The following NECAB2 variants were observed in gnomAD, a reference collection of about 807,000 sequenced individuals.
The protein encoded by NECAB2 is N-terminal EF-hand calcium binding protein 2, also known as N-terminal EF-hand calcium-binding protein 2.
In NECAB2, 68 loss-of-function variants were observed where a neutral mutation model predicts 51.9. The ratio of observed to expected loss-of-function variants is 1.31; its 90% CI spans 1.08 to 1.60. The LOEUF (loss-of-function observed/expected upper bound fraction) is 1.60. Among genes scored for constraint, NECAB2 ranks in the 40% most tolerant of loss-of-function variants. The pLI, the probability that NECAB2 is intolerant of heterozygous loss-of-function variation, is 0.00. For synonymous variants in NECAB2, 329 were observed against 203.5 expected (o/e 1.62, Z -5.25); for missense variants, 854 against 490.3 (o/e 1.74, Z -7.00).
At chr16:83,978,414 C>T in intron 2 of NECAB2, 30 bp from the exon 3 acceptor site, 3 of 1,591,388 alleles carry the variant, frequency 1.9e-6, no homozygotes, top group Non-Finnish European at 2.6e-6. Flanking sequence ...CTGCAGACAC[C>T]AGCTCCTTTC....
chr16:83,970,921 C>T (rs2084340624), intron 1 of NECAB2, among the ~76,000 whole-genome samples: 1 of 152,108 alleles, frequency 6.6e-6, no homozygotes, highest in East Asian at 1.9e-4. Context: ...GGTGAAACCT[C>T]GTCTCTACTA....
rs2084836463 is a variant in NECAB2, at chr16:84,001,558, T to TGGGGCC, written c.1041-267_1041-266insGGGGCC. Reference sequence around the variant, plus strand: ...GATGGCCCCACTCCTCCTGCTAGGGTAAAGGGGGAGGTAGAGGCTCTGTGC... The same window carrying TGGGGCC: ...GATGGCCCCACTCCTCCTGCTAGGGTGGGGCCAAAGGGGGAGGTAGAGGCTCTGTGC... On this transcript the variant is annotated intron_variant, in intron 11 of 12. Coordinates refer to ENST00000305202, the MANE Select transcript of NECAB2 (RefSeq NM_019065.3). 2.0e-5 allele frequency among the ~76,000 whole-genome samples: 3 copies of TGGGGCC among 151,644 alleles called. No homozygotes were observed. In the South Asian group the frequency reaches 6.3e-4, roughly 32 times the overall value.
chr16:83,980,796 CCTCT>C, intron 3 of NECAB2, 39 bp from the exon 4 acceptor site: 2 of 1,555,792 alleles, frequency 1.3e-6, no homozygotes, highest in Non-Finnish European at 1.7e-6. Context: ...CTGCTAACCC[CCTCT>C]CTGTCTCTGT....
chr16:83,970,019 G>A (rs931556556), intron 1 of NECAB2, among the ~76,000 whole-genome samples: 1 of 152,154 alleles, frequency 6.6e-6, no homozygotes, highest in Non-Finnish European at 1.5e-5. Context: ...GCTTACGCAC[G>A]CACACACAGC....
At chr16:83,980,799 C>T (rs750813704) in intron 3 of NECAB2, 40 bp from the exon 4 acceptor site, 2 of 1,556,808 alleles carry the variant, frequency 1.3e-6, no homozygotes, top group South Asian at 2.3e-5. Context: ...CTAACCCCCT[C>T]TCTGTCTCTG....
chr16:83,988,464 CT>C (rs897710704), intron 5 of NECAB2, among the ~76,000 whole-genome samples: 3 of 152,052 alleles, frequency 2.0e-5, no homozygotes, highest in Admixed American at 6.6e-5. Context: ...AGATTTTAGG[CT>C]TTTTTCCCCT....
At chr16:83,984,587 G>A (rs1287631296) in intron 5 of NECAB2, among the ~76,000 whole-genome samples, 35 of 152,084 alleles carry the variant, frequency 2.3e-4, no homozygotes, top group South Asian at 4.2e-4. Context: ...AAAATTAGCC[G>A]AGCATGGTGG....
At position 83,996,044 on chromosome 16, in the gene NECAB2, C is replaced by T. The variant is rs138889049; in HGVS notation, c.796-1172C>T. ...CCTCCTCCCCAGCCTCTAACTGGCC[C>T]GGGCGGTCAGCAGGGGCCAATCCGG... On this transcript the variant is annotated intron_variant, in intron 8 of 12. Transcript: ENST00000305202. Among the ~76,000 whole-genome samples, 502 of 152,304 alleles carry T rather than the reference C, an allele frequency of 3.3e-3. 2 individuals carry two copies. Among genetic ancestry groups the T allele is most frequent in the African/African-American group, 0.011 (465 of 41,556 alleles).
upstream of NECAB2, among the ~76,000 whole-genome samples, chr16:83,967,482 GGGGTGGGT>G (rs1234676661): frequency 1.5e-5 from 1 of 67,736 alleles, no homozygotes; most frequent in Non-Finnish European, 3.0e-5. Context: ...GGGAGGGAGG[GGGGTGGGT>G]GGGTGGGTGG....
At chr16:83,987,951 T>C (rs1243787247) in intron 5 of NECAB2, among the ~76,000 whole-genome samples, 6 of 152,236 alleles carry the variant, frequency 3.9e-5, no homozygotes, top group Non-Finnish European at 2.9e-5. Flanking sequence ...GGCACGTCTT[T>C]GTTATAACTT....
At chr16:83,968,146 G>T (rs1168270197), upstream of NECAB2, among the ~76,000 whole-genome samples, 2 of 151,470 alleles carry the variant, frequency 1.3e-5, no homozygotes, top group African/African-American at 4.8e-5. Flanking sequence ...AAGGATGGGC[G>T]CCCGCGGGCG....
chr16:83,979,327 G>A (rs978862168), intron 3 of NECAB2, among the ~76,000 whole-genome samples: 6 of 152,300 alleles, frequency 3.9e-5, no homozygotes, highest in South Asian at 2.1e-4. Context: ...TTTGGTAAGC[G>A]GAGGTTCTCT....
chr16:83,978,370 G>T, intron 2 of NECAB2, 74 bp from the exon 3 acceptor site: 18 of 1,193,772 alleles, frequency 1.5e-5, no homozygotes, highest in Non-Finnish European at 2.2e-5. Context: ...TGGATTTGGG[G>T]GCCGTGCATG....
chr16:83,965,564 A>G, upstream of NECAB2: 14 of 1,612,914 alleles, frequency 8.7e-6, no homozygotes, highest in Non-Finnish European at 1.2e-5. Flanking sequence ...CCAGCTGCCC[A>G]AGATGCTGTA....
upstream of NECAB2, chr16:83,965,945 C>A (rs989697127): frequency 1.9e-6 from 3 of 1,611,130 alleles, no homozygotes; most frequent in East Asian, 4.5e-5. Context: ...GAGGTTTGTG[C>A]AGGGGGGCGC....
chr16:83,977,930 G>T (rs370264028), intron 2 of NECAB2, among the ~76,000 whole-genome samples: 1 of 152,196 alleles, frequency 6.6e-6, no homozygotes, highest in Admixed American at 6.5e-5. Flanking sequence ...CTATGGAGTG[G>T]TGGCTCATCC....
chr16:83,998,745 G>C (rs1029021084), intron 10 of NECAB2, among the ~76,000 whole-genome samples: 6 of 152,228 alleles, frequency 3.9e-5, no homozygotes, highest in Non-Finnish European at 8.8e-5. Flanking sequence ...TAACCACTGA[G>C]GAAGGAGAGG....
Position 83,968,725 on chromosome 16 carries a change from C to G in NECAB2, c.77C>G (p.Ala26Gly), listed in dbSNP as rs1406133769. The G allele has an allele frequency of 9.7e-7, 1 of 1,029,016 alleles. No individual in the cohort carries two copies. Among genetic ancestry groups the G allele is most frequent in the Non-Finnish European group, 1.2e-6 (1 of 861,034 alleles). The allele number at this position is 1,029,016 out of a possible 1,614,324, so 63.7% of individuals were successfully genotyped here. A position where few individuals can be genotyped will look rare whatever the true frequency, so the allele number is the denominator to read the frequency against. The change falls in exon 1 of 13, where the codon GCG becomes GGG. Residue 26 changes from alanine (A) to glycine (G), a missense_variant. By Grantham distance (60) the Ala-to-Gly change is moderately conservative (BLOSUM62 0). Transcript: ENST00000305202. Reference sequence around the variant, plus strand: ...CGGGAGCCGCCGCAGCAGGGCCGGGCGCTGGGCGGGCTGCTGCGCTGGGTG... The same window carrying G: ...CGGGAGCCGCCGCAGCAGGGCCGGGGGCTGGGCGGGCTGCTGCGCTGGGTG... ...LLREPPQQGR[A>G]LGGLLRWVGA...
chr16:84,002,600 CTCCTGG>C lies in NECAB2; in HGVS notation c.*261_*266del. The stretch of plus-strand genomic sequence containing the variant: ...GGCTTCCTGGAGCCAGCACCCCTGC[CTCCTGG>C]TCCTGGCCTCTCCCCTACCCCTCAC... On this transcript the variant is annotated 3_prime_UTR_variant, in exon 13 of 13. Coordinates refer to ENST00000305202, the MANE Select transcript of NECAB2 (RefSeq NM_019065.3). 1 of 579,034 alleles carries C rather than the reference CTCCTGG, an allele frequency of 1.7e-6. No individual in the cohort carries two copies. 35.9% of individuals were successfully genotyped at this position (579,034 alleles called of 1,614,324 possible). A position where few individuals can be genotyped will look rare whatever the true frequency, so the allele number is the denominator to read the frequency against.
Sources: gnomAD v4.1 joint callset for allele counts (sites outside exome capture counted in the v4.1 genomes callset) on GRCh38, gnomAD v4.1.1 for gene constraint, MANE v1.5 for transcripts, NCBI Gene and HGNC (gene_info 2026-07-23, HGNC 2026-07-21) for gene names.